Variants in SMG7 observed in about 807,000 individuals in gnomAD.
The protein encoded by SMG7 is nonsense-mediated mRNA decay factor SMG7.
Under a neutral mutation model 148.2 loss-of-function variants are expected in SMG7, and 34 were observed. The observed-to-expected ratio is 0.23, with a 90% CI of 0.17 to 0.31. SMG7 has a LOEUF of 0.31. Ranked by LOEUF, SMG7 falls within the 10% of genes least tolerant of loss-of-function variation. The pLI is 1.00. For synonymous variants in SMG7, 492 were observed against 515.1 expected (o/e 0.96, Z 0.61); for missense variants, 1,114 against 1,408.4 (o/e 0.79, Z 3.35).
intron 4 of SMG7, among the ~76,000 whole-genome samples, chr1:183,519,772 A>G (rs1664353569): frequency 6.6e-6 from 1 of 152,140 alleles, no homozygotes; most frequent in Non-Finnish European, 1.5e-5. Context: ...CTGTTTTATA[A>G]ACATAATGTA....
chr1:183,533,098 AT>A (rs34309744), intron 8 of SMG7, 65 bp from the exon 9 acceptor site: 175,176 of 1,397,606 alleles, frequency 0.13, 12,269 homozygotes, highest in African/African-American at 0.27. Context: ...TACCAGTTTA[AT>A]TTCTTGTGTC....
At position 183,494,894 on chromosome 1, in the gene SMG7, A is replaced by G. The variant is rs958468844; in HGVS notation, c.30-17943A>G. Among the ~76,000 whole-genome samples, 5 of 148,558 alleles carry G rather than the reference A, an allele frequency of 3.4e-5. No homozygotes were observed. In the East Asian group the frequency reaches 7.9e-4, roughly 24 times the overall value. On this transcript the variant is annotated intron_variant, in intron 1 of 22. Coordinates refer to ENST00000688051, the MANE Select transcript of SMG7 (RefSeq NM_001375584.1). ...GCCCAGGCTGGAGTGCAGTGGTGCA[A>G]TCTCGGCTCACCACAACCTTGCCTC...
chr1:183,538,551 AT>A, intron 12 of SMG7, 111 bp downstream of exon 12: 1 of 771,846 alleles, frequency 1.3e-6, no homozygotes. Context: ...GCTGTGTGTT[AT>A]TTTTGTAACG....
At chr1:183,537,366 T>C (rs1488935176) in intron 11 of SMG7, 151 bp downstream of exon 11, 1 of 615,590 alleles carries the variant, frequency 1.6e-6, no homozygotes, top group African/African-American at 1.9e-5. Context: ...AGTGGGTGGG[T>C]GGAAGTAGAT....
At chr1:183,476,159 G>A (rs1410920496) in intron 1 of SMG7, among the ~76,000 whole-genome samples, 1 of 152,180 alleles carries the variant, frequency 6.6e-6, no homozygotes, top group South Asian at 2.1e-4. Flanking sequence ...CTTTAGGGAA[G>A]CATTATGTTC....
chr1:183,524,107 G>A (rs1665337834), intron 4 of SMG7, among the ~76,000 whole-genome samples: 1 of 150,142 alleles, frequency 6.7e-6, no homozygotes, highest in South Asian at 2.1e-4. Context: ...TTTTTAAGAC[G>A]GGGTCTCTCT....
Position 183,512,943 on chromosome 1 carries a change from A to G in SMG7, c.61+75A>G, listed in dbSNP as rs562066751. ...AATGGAAGGATATCCTCTTTCTTATATTATGCACAGCACTAAATCCCATCT... is the reference window on the plus strand; with the variant it reads ...AATGGAAGGATATCCTCTTTCTTATGTTATGCACAGCACTAAATCCCATCT... On this transcript the variant is annotated intron_variant, in intron 2 of 22. Transcript: ENST00000688051. The G allele has an allele frequency of 4.4e-4, 591 of 1,345,414 alleles. 1 individual carries two copies. Among genetic ancestry groups the G allele is most frequent in the Non-Finnish European group, 5.8e-4 (571 of 976,652 alleles). 83.3% of individuals were successfully genotyped at this position (1,345,414 alleles called of 1,614,324 possible).
chr1:183,516,712 T>G (rs1252128928), intron 3 of SMG7, among the ~76,000 whole-genome samples: 1 of 152,240 alleles, frequency 6.6e-6, no homozygotes, highest in Admixed American at 6.5e-5. Context: ...TACATCTGCC[T>G]TAGATACTTT....
chr1:183,509,572 T>A (rs2102398552), intron 1 of SMG7, among the ~76,000 whole-genome samples: 1 of 152,298 alleles, frequency 6.6e-6, no homozygotes, highest in Non-Finnish European at 1.5e-5. Flanking sequence ...CATTTAGCTG[T>A]CTTTATCAAT....
chr1:183,534,804 T>G (rs550044419), intron 10 of SMG7, among the ~76,000 whole-genome samples: 45 of 152,142 alleles, frequency 3.0e-4, no homozygotes, highest in African/African-American at 1.0e-3. Flanking sequence ...GAAGCAGAGG[T>G]TGCGGTGAGC....
intron 22 of SMG7, 54 bp from the exon 23 acceptor site, chr1:183,551,764 T>C: frequency 7.1e-7 from 1 of 1,408,124 alleles, no homozygotes. Context: ...GAAAAATCCC[T>C]TTCAGACAAC....
At chr1:183,521,837 T>TGACA (rs969620695) in intron 4 of SMG7, among the ~76,000 whole-genome samples, 3 of 140,356 alleles carry the variant, frequency 2.1e-5, no homozygotes, top group Non-Finnish European at 4.5e-5. Context: ...CCTGCCTGGG[T>TGACA]GACAGAGTGA....
chr1:183,517,858 G>C, intron 4 of SMG7, 38 bp downstream of exon 4: 1 of 1,604,796 alleles, frequency 6.2e-7, no homozygotes, highest in Non-Finnish European at 8.5e-7. Flanking sequence ...CTTACTATTA[G>C]TGGTAAATAT....
At chr1:183,499,551 GGT>G (rs1468274202) in intron 1 of SMG7, among the ~76,000 whole-genome samples, 1 of 152,126 alleles carries the variant, frequency 6.6e-6, no homozygotes, top group Non-Finnish European at 1.5e-5. Context: ...TCTTTGGCAA[GGT>G]GTCTGTTAAG....
At chr1:183,473,350 CGT>C (rs1326953661) in intron 1 of SMG7, among the ~76,000 whole-genome samples, 2 of 151,444 alleles carry the variant, frequency 1.3e-5, no homozygotes, top group African/African-American at 4.9e-5. Context: ...TTCTGAGAGT[CGT>C]GTGTATTCAT....
At chr1:183,551,254 C>T in intron 22 of SMG7, 64 bp downstream of exon 22, 1 of 1,481,358 alleles carries the variant, frequency 6.8e-7, no homozygotes. Flanking sequence ...TGCTTTCATT[C>T]ACATAAATAG....
intron 4 of SMG7, among the ~76,000 whole-genome samples, chr1:183,520,423 C>T (rs1407189972): frequency 1.3e-5 from 2 of 152,082 alleles, no homozygotes; most frequent in East Asian, 1.9e-4. Flanking sequence ...AGATTCCCAT[C>T]ATTTCTTGGA....
intron 14 of SMG7, among the ~76,000 whole-genome samples, chr1:183,542,948 T>TGCGTGTGTGTGTGTGTGTGTGTGTGC (rs1270916567): frequency 6.7e-6 from 1 of 149,484 alleles, no homozygotes; most frequent in Admixed American, 6.7e-5. Flanking sequence ...TGTGTGTGTG[T>TGCGTGTGTGTGTGTGTGTGTGTGTGC]GTGTGTGTGT....
chr1:183,489,963 AG>A (rs752026508), intron 1 of SMG7, among the ~76,000 whole-genome samples: 4 of 152,230 alleles, frequency 2.6e-5, no homozygotes, highest in Non-Finnish European at 5.9e-5. Flanking sequence ...GGAACTTACT[AG>A]AAACACAAAT....
Sources: gnomAD v4.1 joint callset for allele counts (sites outside exome capture counted in the v4.1 genomes callset) on GRCh38, gnomAD v4.1.1 for gene constraint, MANE v1.5 for transcripts, NCBI Gene and HGNC (gene_info 2026-07-23, HGNC 2026-07-21) for gene names.